SPDYC: variants seen among roughly 807,000 people sequenced by gnomAD.
SPDYC encodes the protein speedy/RINGO cell cycle regulator family member C.
In SPDYC, 25 loss-of-function variants were observed where a neutral mutation model predicts 33.9. The observed-to-expected ratio is 0.74, with a 90% confidence interval of 0.54 to 1.03. SPDYC has a LOEUF of 1.03. Ranked by LOEUF, SPDYC falls within the 50% of genes least tolerant of loss-of-function variation. The pLI, the probability that SPDYC is intolerant of heterozygous loss-of-function variation, is 0.00. For missense variants in SPDYC, 349 were observed against 382.9 expected (o/e 0.91, Z 0.74); for synonymous variants, 133 against 140.2 (o/e 0.95, Z 0.36).
intron 3 of SPDYC, 97 bp from the exon 4 acceptor site, chr11:65,172,149 T>G: frequency 6.5e-7 from 1 of 1,537,028 alleles, no homozygotes; most frequent in Non-Finnish European, 9.0e-7. Flanking sequence ...TGACTTTCTT[T>G]CCCTGCAGCA....
At chr11:65,170,247 C>A in exon 1 of SPDYC, 1 of 1,578,864 alleles carries the variant, frequency 6.3e-7, no homozygotes, top group East Asian at 2.4e-5. Context: ...TGCTCTGGGC[C>A]ATTCCTGAGC....
chr11:65,172,414 C>T lies in SPDYC; in HGVS notation c.345-20C>T. 1 of 1,609,752 alleles carries T rather than the reference C, an allele frequency of 6.2e-7. No homozygotes were observed. Among genetic ancestry groups the T allele is most frequent in the African/African-American group, 1.3e-5 (1 of 74,950 alleles). On this transcript the variant is annotated intron_variant, in intron 4 of 6. Transcript: ENST00000377185. ...CAGATGTGTGGCCTCTGCTCCCTGA[C>T]CTTGTGCCTCTGTGGCTAGGTACCT...
At chr11:65,173,128 T>TC in intron 6 of SPDYC, 55 bp from the exon 7 acceptor site, 2 of 1,608,854 alleles carry the variant, frequency 1.2e-6, no homozygotes. Flanking sequence ...GTGCTGCCCC[T>TC]CCCGTGTGAG....
At chr11:65,170,367 T>C in intron 1 of SPDYC, 106 bp downstream of exon 1, 1 of 1,190,056 alleles carries the variant, frequency 8.4e-7, no homozygotes, top group Non-Finnish European at 1.1e-6. Context: ...GGCCCCGTGG[T>C]TGGCTTCTCT....
chr11:65,171,874 C>T, intron 2 of SPDYC, 69 bp from the exon 3 acceptor site: 1 of 1,434,152 alleles, frequency 7.0e-7, no homozygotes, highest in Non-Finnish European at 9.8e-7. Context: ...GGCTTTGGAG[C>T]TTCTGATGCC....
chr11:65,172,252 C>T (rs757070829), exon 4 of SPDYC: 1 of 1,614,182 alleles, frequency 6.2e-7, no homozygotes, highest in South Asian at 1.1e-5. Flanking sequence ...GCAGTATCTC[C>T]TGGCCATGGT....
exon 6 of SPDYC, chr11:65,172,994 C>T (rs200206037): frequency 1.9e-6 from 3 of 1,613,830 alleles, no homozygotes; most frequent in South Asian, 2.2e-5. Flanking sequence ...CAACTGGAAC[C>T]AGGCACCTAC....
chr11:65,172,286 A>C (rs1565373551), exon 4 of SPDYC: 1 of 1,614,056 alleles, frequency 6.2e-7, no homozygotes, highest in East Asian at 2.2e-5. Flanking sequence ...CAGCGCGCCC[A>C]CCTGAAGCTC....
chr11:65,171,572 A>C (rs1590840258), intron 2 of SPDYC, 73 bp downstream of exon 2: 233 of 1,403,310 alleles, frequency 1.7e-4, no homozygotes, highest in Middle Eastern at 5.2e-4. Flanking sequence ...GTGGGGTCTC[A>C]CCTGCCTGTA....
chr11:65,172,672 T>A lies in SPDYC; in HGVS notation c.517-12T>A, dbSNP rs999322599. The A allele has an allele frequency of 1.3e-6, 2 of 1,590,302 alleles. No individual in the cohort carries two copies. The highest frequency in any genetic ancestry group is 2.7e-5 in the African/African-American group (2 of 74,418). ...TTCCCACCCCATTTACTGTCCACTC[T>A]GCTCCTCCCAGGTCATGGCAAAGGA... On this transcript the variant is annotated splice_polypyrimidine_tract_variant and intron_variant, in intron 5 of 6. Coordinates refer to ENST00000377185, the Ensembl canonical transcript of SPDYC.
rs1008048625 is a variant in SPDYC, at chr11:65,172,622, A to G, written c.516+17A>G. On this transcript the variant is annotated intron_variant, in intron 5 of 6. Transcript: ENST00000377185. The stretch of plus-strand genomic sequence containing the variant: ...TGTGAGGAGGTGAGGCTGGGAGGCA[A>G]CCTGGGGTGTGGGGAAGGCTGGGGT... 1.2e-5 allele frequency: 18 copies of G among 1,555,452 alleles called. No individual in the cohort carries two copies. In the African/African-American group the frequency reaches 1.8e-4, roughly 15 times the overall value.
At chr11:65,171,528 G>C in intron 2 of SPDYC, 29 bp downstream of exon 2, 3 of 1,507,782 alleles carry the variant, frequency 2.0e-6, no homozygotes, top group Non-Finnish European at 2.7e-6. Flanking sequence ...CACGGGAGGG[G>C]CCGTGAGGTC....
In SPDYC at chr11:65,171,042, G is replaced by A. The variant is rs532721402; in HGVS notation, c.27-285G>A. On this transcript the variant is annotated intron_variant, in intron 1 of 6. Transcript: ENST00000377185. Reference sequence around the variant, plus strand: ...GGATGGAATAAGATAAGGCCCTTAAGCACAGCCCCAGGCACTTAGGAAGCC... The same window carrying A: ...GGATGGAATAAGATAAGGCCCTTAAACACAGCCCCAGGCACTTAGGAAGCC... Among the ~76,000 whole-genome samples the A allele has an allele frequency of 3.4e-4, 51 of 152,192 alleles. No individual in the cohort carries two copies. The South Asian group carries it at 1.0e-2, about 30-fold the overall frequency.
At chr11:65,173,065 G>T (rs1948458377) in intron 6 of SPDYC, 51 bp downstream of exon 6, 2 of 1,599,538 alleles carry the variant, frequency 1.3e-6, no homozygotes, top group Non-Finnish European at 1.7e-6. Context: ...AGCTTGGGAG[G>T]CAGGAGTGAG....
Position 65,171,245 on chromosome 11 carries a change from C to T in SPDYC, c.27-82C>T, listed in dbSNP as rs569533184. The T allele has an allele frequency of 9.9e-5, 145 of 1,462,734 alleles. 2 individuals are homozygous for T. The Middle Eastern group carries it at 4.8e-3, about 48-fold the overall frequency. 90.6% of individuals were successfully genotyped at this position (1,462,734 alleles called of 1,614,324 possible). On this transcript the variant is annotated intron_variant, in intron 1 of 6. Coordinates refer to ENST00000377185, the Ensembl canonical transcript of SPDYC. ...CAAGTCTCTGCACCCACCCCTCCAC[C>T]GTCCTGGCCCCTGTCACCACCCTCT...
At chr11:65,171,215 G>T (rs1258643150) in intron 1 of SPDYC, 112 bp from the exon 2 acceptor site, 1 of 1,193,812 alleles carries the variant, frequency 8.4e-7, no homozygotes, top group Non-Finnish European at 1.1e-6. Flanking sequence ...TCTGTTCTGA[G>T]CCCCCAAGTC....
intron 1 of SPDYC, among the ~76,000 whole-genome samples, chr11:65,170,544 G>C (rs1017299980): frequency 6.6e-6 from 1 of 152,128 alleles, no homozygotes; most frequent in South Asian, 2.1e-4. Flanking sequence ...TTTGGTGAGG[G>C]GTCGGGGGTG....
exon 5 of SPDYC, chr11:65,172,587 C>T: frequency 6.4e-7 from 1 of 1,551,684 alleles, no homozygotes; most frequent in African/African-American, 1.4e-5. Flanking sequence ...CTGTTGTGAG[C>T]CGCCAGTGCT....
chr11:65,172,167 C>T, intron 3 of SPDYC, 79 bp from the exon 4 acceptor site: 1 of 1,572,634 alleles, frequency 6.4e-7, no homozygotes, highest in Non-Finnish European at 8.8e-7. Context: ...GCAAAACCTC[C>T]CTGGGTGCAA....
Sources: gnomAD v4.1 joint callset for allele counts (sites outside exome capture counted in the v4.1 genomes callset) on GRCh38, gnomAD v4.1.1 for gene constraint, MANE v1.5 for transcripts, NCBI Gene and HGNC (gene_info 2026-07-23, HGNC 2026-07-21) for gene names.